The following CCDC148 variants were observed in gnomAD, a reference collection of about 807,000 sequenced individuals.
CCDC148 encodes coiled-coil domain-containing protein 148.
A neutral mutation model predicts 85.7 loss-of-function variants in CCDC148; 89 were observed. The observed-to-expected ratio is 1.04, with a 90% confidence interval of 0.87 to 1.24. The LOEUF (loss-of-function observed/expected upper bound fraction) is 1.24, where lower values mean the gene tolerates loss of function less well. Ranked by LOEUF, CCDC148 falls within the 50% of genes most tolerant of loss-of-function variation. The pLI is 0.00. For synonymous variants in CCDC148, 230 were observed against 213.9 expected, an observed-to-expected ratio of 1.08 and a Z score of -0.66; for missense variants, 692 against 671.7, an observed-to-expected ratio of 1.03 and a Z score of -0.33.
At chr2:158,248,224 A>G (rs1688646507) in intron 10 of CCDC148, among the ~76,000 whole-genome samples, 1 of 152,180 alleles carries the variant, frequency 6.6e-6, no homozygotes, top group Non-Finnish European at 1.5e-5. Flanking sequence ...ATTCCTGATC[A>G]TGATTGTCTC....
At chr2:158,406,988 C>T (rs1163511334) in intron 1 of CCDC148, among the ~76,000 whole-genome samples, 1 of 152,092 alleles carries the variant, frequency 6.6e-6, no homozygotes, top group African/African-American at 2.4e-5. Context: ...ACAAGTGTGG[C>T]TTCTTTCCTG....
rs182841614 is a variant in CCDC148, at chr2:158,238,738, A to C, written c.1251+12034T>G. ...ACTAGAAAGCAGGCAGGTACTAATA[A>C]AGAGTTTTAAGATTATCAATTACCT... On this transcript the variant is annotated intron_variant, in intron 10 of 13. Transcript: ENST00000283233. Among the ~76,000 whole-genome samples the C allele has an allele frequency of 2.6e-3, 403 of 152,284 alleles. 1 individual carries two copies. The highest frequency in any genetic ancestry group is 9.1e-3 in the African/African-American group (377 of 41,558).
intron 9 of CCDC148, among the ~76,000 whole-genome samples, chr2:158,290,984 T>C (rs777121106): frequency 1.3e-5 from 2 of 152,072 alleles, no homozygotes; most frequent in Non-Finnish European, 2.9e-5. Flanking sequence ...TCTATCACCA[T>C]CACTCTAGTT....
rs567700232 is a variant in CCDC148 at position 158,423,385 on chromosome 2, A to G, written c.25+33030T>C. Among the ~76,000 whole-genome samples the G allele has an allele frequency of 1.8e-3, 270 of 152,026 alleles. 1 individual carries two copies. The highest frequency in any genetic ancestry group is 6.3e-3 in the African/African-American group (263 of 41,528). On this transcript the variant is annotated intron_variant, in intron 1 of 13. Transcript: ENST00000283233. Reference sequence around the variant, plus strand: ...AGGGTACTGGTACTAAAACAGAGATATAGACCAATGGAATAGAAATAATAC... The same window carrying G: ...AGGGTACTGGTACTAAAACAGAGATGTAGACCAATGGAATAGAAATAATAC...
intron 11 of CCDC148, among the ~76,000 whole-genome samples, chr2:158,181,308 G>T (rs1277035721): frequency 1.3e-5 from 2 of 152,150 alleles, no homozygotes; most frequent in East Asian, 1.9e-4. Flanking sequence ...TACTTGTGTG[G>T]TAGAGAAGGC....
intron 2 of CCDC148, among the ~76,000 whole-genome samples, chr2:158,356,472 A>G (rs1045761036): frequency 1.1e-3 from 170 of 151,806 alleles, no homozygotes; most frequent in Non-Finnish European, 4.6e-4. Context: ...CAAAAAACAC[A>G]TGAAAAAATG....
intron 10 of CCDC148, among the ~76,000 whole-genome samples, chr2:158,246,486 C>A (rs1688575043): frequency 6.6e-6 from 1 of 152,076 alleles, no homozygotes; most frequent in Admixed American, 6.5e-5. Context: ...TACACACACA[C>A]ATACACGCAC....
chr2:158,374,105 C>T (rs1258460867), intron 1 of CCDC148, among the ~76,000 whole-genome samples: 2 of 151,962 alleles, frequency 1.3e-5, no homozygotes, highest in African/African-American at 4.8e-5. Context: ...TATGAGATGA[C>T]AACTATTATC....
intron 1 of CCDC148, among the ~76,000 whole-genome samples, chr2:158,393,900 G>A (rs771215214): frequency 6.6e-6 from 1 of 152,102 alleles, no homozygotes; most frequent in Non-Finnish European, 1.5e-5. Context: ...AGATATCTGT[G>A]GGATAGACAA....
intron 2 of CCDC148, among the ~76,000 whole-genome samples, chr2:158,354,172 A>T (rs1459145806): frequency 6.6e-6 from 1 of 151,970 alleles, no homozygotes; most frequent in Non-Finnish European, 1.5e-5. Flanking sequence ...AAAGAACTAG[A>T]AAAGCAAGAG....
intron 1 of CCDC148, among the ~76,000 whole-genome samples, chr2:158,439,763 T>C (rs969317671): frequency 4.6e-5 from 7 of 152,220 alleles, no homozygotes; most frequent in Non-Finnish European, 5.9e-5. Context: ...TCAATAAGCA[T>C]ATTAAAAAAT....
chr2:158,245,702 A>G (rs1688543253), intron 10 of CCDC148, among the ~76,000 whole-genome samples: 1 of 152,182 alleles, frequency 6.6e-6, no homozygotes, highest in Non-Finnish European at 1.5e-5. Flanking sequence ...TAAGCTAGAC[A>G]AAGAGCCACA....
intron 7 of CCDC148, among the ~76,000 whole-genome samples, chr2:158,327,406 G>T (rs1465771766): frequency 3.3e-5 from 5 of 152,288 alleles, no homozygotes; most frequent in Middle Eastern, 6.8e-3. Flanking sequence ...TAATGCCTCT[G>T]CCATGATTAG....
intron 1 of CCDC148, among the ~76,000 whole-genome samples, chr2:158,399,782 A>G (rs554446309): frequency 6.6e-5 from 10 of 152,300 alleles, no homozygotes; most frequent in Admixed American, 5.9e-4. Flanking sequence ...CAGGGCAATC[A>G]GGCAAGAGAA....
At chr2:158,295,005 A>G (rs183616338) in intron 9 of CCDC148, among the ~76,000 whole-genome samples, 1 of 152,094 alleles carries the variant, frequency 6.6e-6, no homozygotes, top group East Asian at 1.9e-4. Context: ...GTATTTTTCT[A>G]CTAATTAGTG....
intron 3 of CCDC148, among the ~76,000 whole-genome samples, chr2:158,344,713 GAGTA>G (rs902846904): frequency 5.9e-5 from 9 of 152,006 alleles, no homozygotes; most frequent in African/African-American, 1.7e-4. Context: ...AAGCAAAATT[GAGTA>G]AGTTAGTCAT....
At chr2:158,416,241 T>G (rs1686493753) in intron 1 of CCDC148, among the ~76,000 whole-genome samples, 1 of 152,186 alleles carries the variant, frequency 6.6e-6, no homozygotes, top group African/African-American at 2.4e-5. Flanking sequence ...CATTCTTCCC[T>G]TTTAGGCCTC....
At chr2:158,275,472 GT>G (rs1209461669) in intron 9 of CCDC148, among the ~76,000 whole-genome samples, 1 of 152,106 alleles carries the variant, frequency 6.6e-6, no homozygotes, top group African/African-American at 2.4e-5. Flanking sequence ...TAATAATTAG[GT>G]TTTTCCTTTC....
intron 9 of CCDC148, among the ~76,000 whole-genome samples, chr2:158,260,069 T>C (rs888158465): frequency 4.6e-5 from 7 of 152,088 alleles, no homozygotes; most frequent in South Asian, 2.1e-4. Context: ...TATTAATCAA[T>C]TGATTTATTT....
Sources: gnomAD v4.1 joint callset for allele counts (sites outside exome capture counted in the v4.1 genomes callset) on GRCh38, gnomAD v4.1.1 for gene constraint, MANE v1.5 for transcripts, NCBI Gene and HGNC (gene_info 2026-07-23, HGNC 2026-07-21) for gene names.